Variants in BAALC observed in about 807,000 individuals in gnomAD.
BAALC encodes the protein brain and acute leukemia cytoplasmic protein.
A neutral mutation model predicts 15.5 loss-of-function variants in BAALC; 9 were observed. The ratio of observed to expected loss-of-function variants is 0.58; its 90% confidence interval spans 0.35 to 1.02. The LOEUF is 1.02. Among genes scored for constraint, BAALC ranks in the 50% least tolerant of loss-of-function variants. The pLI is 0.02. For synonymous variants in BAALC, 80 were observed against 74.6 expected (o/e 1.07, Z -0.37); for missense variants, 201 against 192.4 (o/e 1.04, Z -0.27).
In BAALC at chr8:103,170,136, G is replaced by T. The variant is rs1029416569; in HGVS notation, c.160+29079G>T. 7.3e-5 allele frequency among the ~76,000 whole-genome samples: 11 copies of T among 151,658 alleles called. No individual in the cohort carries two copies. The East Asian group carries it at 1.3e-3, about 19-fold the overall frequency. ...TTCCTATGAGTTTATGCCTCTAAAAGTTCCCTTATGTTTGTTTTAGTGGTA... is the reference window on the plus strand; with the variant it reads ...TTCCTATGAGTTTATGCCTCTAAAATTTCCCTTATGTTTGTTTTAGTGGTA... On this transcript the variant is annotated intron_variant, in intron 1 of 2. Transcript: ENST00000309982.
At chr8:103,149,746 C>A (rs1483908327) in intron 1 of BAALC, among the ~76,000 whole-genome samples, 1 of 152,140 alleles carries the variant, frequency 6.6e-6, no homozygotes, top group African/African-American at 2.4e-5. Flanking sequence ...GGGGAAAGGT[C>A]ATGGAGAAGT....
At chr8:103,173,517 A>T (rs1000460) in intron 1 of BAALC, among the ~76,000 whole-genome samples, 43,587 of 152,042 alleles carry the variant, frequency 0.29, 6,503 homozygotes, top group East Asian at 0.4. Context: ...CTAATAATAG[A>T]TTTTTTTCAC....
intron 1 of BAALC, among the ~76,000 whole-genome samples, chr8:103,191,860 C>T (rs1811975385): frequency 1.3e-5 from 2 of 152,170 alleles, no homozygotes; most frequent in Admixed American, 6.5e-5. Flanking sequence ...GTTTCCCAAG[C>T]TACCCAGGGA....
intron 1 of BAALC, among the ~76,000 whole-genome samples, chr8:103,154,359 G>A (rs1237547467): frequency 6.6e-6 from 1 of 151,918 alleles, no homozygotes; most frequent in Non-Finnish European, 1.5e-5. Context: ...GCCCCTTCAT[G>A]GATTGCTAGC....
In BAALC at chr8:103,168,269, G is replaced by A. The variant is rs115031995; in HGVS notation, c.160+27212G>A. On this transcript the variant is annotated intron_variant, in intron 1 of 2. Coordinates refer to ENST00000309982, the MANE Select transcript of BAALC (RefSeq NM_024812.3). ...TCATTTCCTTGTCTCTAAATAATTG[G>A]CAAGTCATACTCTTTCTTGATGTTT... Among the ~76,000 whole-genome samples the A allele has an allele frequency of 3.9e-5, 6 of 152,014 alleles. No homozygotes were observed. The East Asian group carries it at 1.2e-3, about 29-fold the overall frequency.
chr8:103,227,662 C>T (rs1310382962), intron 2 of BAALC, among the ~76,000 whole-genome samples: 1 of 152,154 alleles, frequency 6.6e-6, no homozygotes, highest in Non-Finnish European at 1.5e-5. Context: ...GTTCCTCTAT[C>T]CCCTCCTTTC....
At chr8:103,193,317 G>A (rs562157239) in intron 1 of BAALC, among the ~76,000 whole-genome samples, 53 of 152,266 alleles carry the variant, frequency 3.5e-4, no homozygotes, top group African/African-American at 1.2e-3. Flanking sequence ...TGGCCTCCTG[G>A]GGCCCCTTAG....
intron 1 of BAALC, among the ~76,000 whole-genome samples, chr8:103,177,676 G>A (rs1300048710): frequency 6.6e-6 from 1 of 152,154 alleles, no homozygotes; most frequent in Non-Finnish European, 1.5e-5. Context: ...AGTTCTAATT[G>A]TTGCTTTACC....
At chr8:103,143,419 G>T (rs536960206) in intron 1 of BAALC, among the ~76,000 whole-genome samples, 43 of 152,280 alleles carry the variant, frequency 2.8e-4, no homozygotes, top group Middle Eastern at 3.4e-3. Flanking sequence ...TACAGAAGTT[G>T]TTTTCTGATG....
chr8:103,228,025 G>A lies in BAALC; in HGVS notation c.364G>A (p.Val122Ile). 1 of 1,613,784 alleles carries A rather than the reference G, an allele frequency of 6.2e-7. No individual in the cohort carries two copies. The highest frequency in any genetic ancestry group is 1.1e-5 in the South Asian group (1 of 91,060). ...RDAKRMPAKE[V>I]TINVTDSIQQ... Reference sequence around the variant, plus strand: ...TGCTAAGAGAATGCCTGCAAAAGAAGTCACCATTAATGTAACAGATAGCAT... The same window carrying A: ...TGCTAAGAGAATGCCTGCAAAAGAAATCACCATTAATGTAACAGATAGCAT... The change falls in exon 3 of 3, where the codon GTC becomes ATC. Residue 122 changes from valine to isoleucine, a missense_variant. Coordinates refer to ENST00000309982, the MANE Select transcript of BAALC (RefSeq NM_024812.3).
chr8:103,183,961 A>G (rs1415074947), intron 1 of BAALC, among the ~76,000 whole-genome samples: 1 of 152,214 alleles, frequency 6.6e-6, no homozygotes, highest in Non-Finnish European at 1.5e-5. Context: ...TCCATAGGTT[A>G]GAAGCCTGAT....
intron 1 of BAALC, chr8:103,191,591 C>G (rs1039871925): frequency 1.3e-5 from 2 of 152,030 alleles, no homozygotes; most frequent in African/African-American, 4.8e-5. Flanking sequence ...TCTAGCGTGC[C>G]AAACCAAGCA....
chr8:103,227,991 TA>T lies in BAALC; in HGVS notation c.334del (p.Arg112GlufsTer15). 1 of 1,609,022 alleles carries T rather than the reference TA, an allele frequency of 6.2e-7. No individual in the cohort carries two copies. The highest frequency in any genetic ancestry group is 8.5e-7 in the Non-Finnish European group (1 of 1,175,792). On this transcript the variant is annotated frameshift_variant, in exon 3 of 3. Coordinates refer to ENST00000309982, the MANE Select transcript of BAALC (RefSeq NM_024812.3). LOFTEE classifies it high-confidence loss of function. ...ATTCACTGTTTTCAACTTAACAGGC[TA>T]AAAGAGATGCTAAGAGAATGCCTGC... is the stretch of plus-strand genomic sequence containing the variant. ...KQNGLQTTEA[K>X]RDAKRMPAKE...
rs1811620836 is a variant in BAALC at position 103,177,009 on chromosome 8, A to G, written c.161-35910A>G. 1.3e-5 allele frequency among the ~76,000 whole-genome samples: 2 copies of G among 152,130 alleles called. 1 individual carries two copies. The highest frequency in any genetic ancestry group is 4.2e-4 in the South Asian group (2 of 4,818). On this transcript the variant is annotated intron_variant, in intron 1 of 2. Coordinates refer to ENST00000309982, the MANE Select transcript of BAALC (RefSeq NM_024812.3). ...CTAGCCTGTTGTGGGAAGAAAATTT[A>G]GACAAAGTATGCTTGTGCTCATTTT... is the stretch of plus-strand genomic sequence containing the variant.
chr8:103,184,158 C>T (rs1811785784), intron 1 of BAALC, among the ~76,000 whole-genome samples: 1 of 152,202 alleles, frequency 6.6e-6, no homozygotes, highest in Non-Finnish European at 1.5e-5. Flanking sequence ...TCTCTCTCTT[C>T]TGGTTCCCTC....
intron 1 of BAALC, chr8:103,208,292 G>A (rs1353719926): frequency 2.6e-5 from 4 of 152,232 alleles, no homozygotes; most frequent in Non-Finnish European, 5.9e-5. Flanking sequence ...TTTAATAGAT[G>A]AGGAAGTCTA....
intron 1 of BAALC, among the ~76,000 whole-genome samples, chr8:103,209,643 T>G (rs2130057431): frequency 6.6e-6 from 1 of 152,266 alleles, no homozygotes; most frequent in Non-Finnish European, 1.5e-5. Flanking sequence ...TTCATTGCTT[T>G]TATTCCCCCA....
intron 1 of BAALC, among the ~76,000 whole-genome samples, chr8:103,186,439 T>C (rs1417724598): frequency 6.6e-6 from 1 of 152,182 alleles, no homozygotes; most frequent in Non-Finnish European, 1.5e-5. Flanking sequence ...CTCATGACAT[T>C]ATAGCCCCTC....
intron 1 of BAALC, among the ~76,000 whole-genome samples, chr8:103,170,685 A>G (rs544835870): frequency 6.6e-6 from 1 of 152,342 alleles, no homozygotes; most frequent in African/African-American, 2.4e-5. Context: ...TCTAGCTCCC[A>G]GAACTGTGAG....
Sources: gnomAD v4.1 joint callset for allele counts (sites outside exome capture counted in the v4.1 genomes callset) on GRCh38, gnomAD v4.1.1 for gene constraint, MANE v1.5 for transcripts, NCBI Gene and HGNC (gene_info 2026-07-23, HGNC 2026-07-21) for gene names.